AVPI1: variants seen among roughly 807,000 people sequenced by gnomAD.
The protein encoded by AVPI1 is arginine vasopressin induced 1, also known as arginine vasopressin-induced protein 1.
AVPI1 carries 9 observed loss-of-function variants against 11.9 expected under a neutral mutation model. The ratio of observed to expected loss-of-function variants is 0.76; its 90% CI spans 0.46 to 1.32. The LOEUF is 1.32. AVPI1 is among the 40% of genes most tolerant of loss of function. The probability of loss-of-function intolerance (pLI) is 0.00; values close to 1 mark genes in which losing one functional copy is unlikely to be tolerated. For missense variants in AVPI1, 207 were observed against 195.8 expected (o/e 1.06, Z -0.34); for synonymous variants, 68 against 78.1 (o/e 0.87, Z 0.68).
intron 1 of AVPI1, among the ~76,000 whole-genome samples, chr10:97,686,220 T>C (rs1200026326): frequency 1.3e-5 from 2 of 152,242 alleles, no homozygotes; most frequent in Non-Finnish European, 2.9e-5. Flanking sequence ...GTACCTGGTA[T>C]ACCACAGACA....
In AVPI1 at chr10:97,677,753, CA is replaced by C; in HGVS notation, c.*115del. 7.9e-7 allele frequency: 1 copy of C among 1,265,538 alleles called. No homozygotes were observed. The highest frequency in any genetic ancestry group is 1.1e-6 in the Non-Finnish European group (1 of 909,946). 78.4% of individuals were successfully genotyped at this position (1,265,538 alleles called of 1,614,324 possible). A position where few individuals can be genotyped will look rare whatever the true frequency, so the allele number is the denominator to read the frequency against. On this transcript the variant is annotated 3_prime_UTR_variant, in exon 3 of 3. Transcript: ENST00000370626. ...TCTGAATGGAGCAGGTCAGTGGCAG[CA>C]GCCTCTTGCTTTCATTTACCCCTTT...
rs145310037 is a variant in AVPI1 at position 97,679,554 on chromosome 10, C to T, written c.287+65G>A. The T allele has an allele frequency of 1.5e-4, 223 of 1,497,362 alleles. No individual in the cohort carries two copies. The East Asian group carries it at 4.3e-3, about 29-fold the overall frequency. The allele number at this position is 1,497,362 out of a possible 1,614,324, so 92.8% of individuals were successfully genotyped here. ...GCCAAGTAACTAGCTCCAGGCCACA[C>T]AGCCATGCAGTGGTGGAACAGGCAT... is the stretch of plus-strand genomic sequence containing the variant. On this transcript the variant is annotated intron_variant, in intron 2 of 2. Transcript: ENST00000370626.
intron 2 of AVPI1, 141 bp from the exon 3 acceptor site, chr10:97,678,166 C>T (rs1393850687): frequency 1.1e-6 from 1 of 923,076 alleles, no homozygotes; most frequent in Non-Finnish European, 1.6e-6. Flanking sequence ...CTTTCCCCCT[C>T]TGAGAACTGT....
chr10:97,685,605 C>T (rs559059770), intron 1 of AVPI1, among the ~76,000 whole-genome samples: 4 of 152,146 alleles, frequency 2.6e-5, no homozygotes, highest in Non-Finnish European at 4.4e-5. Context: ...GAGGCTCTGG[C>T]CCAAGGCCTG....
In AVPI1 at chr10:97,679,664, C is replaced by T; in HGVS notation, c.242G>A (p.Arg81Lys). Reference protein sequence around the residue: ...LKRLRRKRPPRQKPLGHSLHH... With the variant: ...LKRLRRKRPPKQKPLGHSLHH... Reference sequence around the variant, plus strand: ...TAGCGAGTGGCCCAGGGGTTTCTGCCTTGGGGGCCTCTTCCTGCGCAGCCT... The same window carrying T: ...TAGCGAGTGGCCCAGGGGTTTCTGCTTTGGGGGCCTCTTCCTGCGCAGCCT... The change falls in exon 2 of 3, where the codon AGG becomes AAG. Residue 81 changes from arginine to lysine, a missense_variant. Transcript: ENST00000370626. The T allele has an allele frequency of 6.2e-7, 1 of 1,613,926 alleles. No individual in the cohort carries two copies. The highest frequency in any genetic ancestry group is 8.5e-7 in the Non-Finnish European group (1 of 1,179,928).
intron 1 of AVPI1, among the ~76,000 whole-genome samples, chr10:97,686,390 A>G (rs1167637332): frequency 6.6e-6 from 1 of 152,212 alleles, no homozygotes; most frequent in Non-Finnish European, 1.5e-5. Context: ...CAGCTTGTTC[A>G]GTGTCAAGCG....
At chr10:97,678,128 C>G in intron 2 of AVPI1, 103 bp from the exon 3 acceptor site, 1 of 1,302,406 alleles carries the variant, frequency 7.7e-7, no homozygotes, top group African/African-American at 1.5e-5. Flanking sequence ...TGATTTGGAG[C>G]AAAATGAGAG....
At chr10:97,680,029 G>T in intron 1 of AVPI1, 114 bp from the exon 2 acceptor site, 1 of 1,046,268 alleles carries the variant, frequency 9.6e-7, no homozygotes, top group Non-Finnish European at 1.3e-6. Context: ...CTAAACTGGA[G>T]GAAGTCTCCT....
intron 1 of AVPI1, among the ~76,000 whole-genome samples, chr10:97,683,699 G>A (rs528825895): frequency 7.2e-5 from 11 of 152,310 alleles, no homozygotes; most frequent in Admixed American, 2.6e-4. Flanking sequence ...GCCTTGAGCC[G>A]TAGCACTCTA....
chr10:97,683,151 T>G (rs1423510254), intron 1 of AVPI1, among the ~76,000 whole-genome samples: 1 of 152,048 alleles, frequency 6.6e-6, no homozygotes, highest in African/African-American at 2.4e-5. Flanking sequence ...CTGCAGCCCA[T>G]GCTTTTATTT....
chr10:97,677,687 T>C lies in AVPI1; in HGVS notation c.*182A>G. The stretch of plus-strand genomic sequence containing the variant: ...TCTCCTCATTTTGGTGAGGAATGGG[T>C]CCCACATAATGGAGAGCTCAACAGA... On this transcript the variant is annotated 3_prime_UTR_variant, in exon 3 of 3. Coordinates refer to ENST00000370626, the MANE Select transcript of AVPI1 (RefSeq NM_021732.3). 2 of 651,234 alleles carry C rather than the reference T, an allele frequency of 3.1e-6. No homozygotes were observed. The highest frequency in any genetic ancestry group is 4.1e-5 in the South Asian group (2 of 48,306). 40.3% of individuals were successfully genotyped at this position (651,234 alleles called of 1,614,324 possible).
intron 2 of AVPI1, among the ~76,000 whole-genome samples, chr10:97,678,684 TAAAAA>T (rs66489128): frequency 1.4e-5 from 2 of 145,102 alleles, no homozygotes; most frequent in African/African-American, 2.5e-5. Flanking sequence ...TAATTAGGCT[TAAAAA>T]AAAAAAAAAA....
intron 1 of AVPI1, among the ~76,000 whole-genome samples, chr10:97,683,117 C>A (rs180765986): frequency 6.6e-6 from 1 of 151,968 alleles, no homozygotes; most frequent in Non-Finnish European, 1.5e-5. Flanking sequence ...GTGGCTTAGC[C>A]GAGGCCAGAG....
chr10:97,681,065 A>G (rs2041700892), intron 1 of AVPI1, among the ~76,000 whole-genome samples: 1 of 152,206 alleles, frequency 6.6e-6, no homozygotes, highest in Non-Finnish European at 1.5e-5. Flanking sequence ...AAACAAGGGA[A>G]GCCTGGCATT....
intron 1 of AVPI1, among the ~76,000 whole-genome samples, chr10:97,682,041 T>C (rs953237593): frequency 6.6e-6 from 1 of 152,162 alleles, no homozygotes. Flanking sequence ...TGCAGGAGGA[T>C]GTGCGCAGTC....
Position 97,678,945 on chromosome 10 carries a change from G to GACAGGA in AVPI1, c.287+673_287+674insTCCTGT, listed in dbSNP as rs1564779867. 1.9e-3 allele frequency among the ~76,000 whole-genome samples: 74 copies of GACAGGA among 39,868 alleles called. 9 individuals are homozygous for GACAGGA. Among genetic ancestry groups the GACAGGA allele is most frequent in the East Asian group, 6.7e-3 (10 of 1,490 alleles). 26.2% of individuals were successfully genotyped at this position (39,868 alleles called of 152,430 possible). On this transcript the variant is annotated intron_variant, in intron 2 of 2. Transcript: ENST00000370626. ...TGTGTGTGTGTGTGTGTGTGTGTGT[G>GACAGGA]TGTGTGTGTGTGTGTGTGTGTGTGT... is the stretch of plus-strand genomic sequence containing the variant.
chr10:97,679,513 G>A, intron 2 of AVPI1, 106 bp downstream of exon 2: 1 of 1,355,576 alleles, frequency 7.4e-7, no homozygotes, highest in South Asian at 1.5e-5. Context: ...ATGGTGGGCA[G>A]GCACTTTACA....
rs2135767951 is a variant in AVPI1 at position 97,677,629 on chromosome 10, C to T, written c.*240G>A. 1 of 490,140 alleles carries T rather than the reference C, an allele frequency of 2.0e-6. No homozygotes were observed. Among genetic ancestry groups the T allele is most frequent in the Non-Finnish European group, 3.7e-6 (1 of 272,568 alleles). The allele number at this position is 490,140 out of a possible 1,614,324, so 30.4% of individuals were successfully genotyped here. Reference sequence around the variant, plus strand: ...CATGCAGCCCAGGAATAGTGTTAGACTGGGAAGGACTGTGGCAGGAACAGT... The same window carrying T: ...CATGCAGCCCAGGAATAGTGTTAGATTGGGAAGGACTGTGGCAGGAACAGT... On this transcript the variant is annotated 3_prime_UTR_variant, in exon 3 of 3. Coordinates refer to ENST00000370626, the MANE Select transcript of AVPI1 (RefSeq NM_021732.3).
chr10:97,681,824 G>A (rs1222148444), intron 1 of AVPI1, among the ~76,000 whole-genome samples: 2 of 148,194 alleles, frequency 1.3e-5, no homozygotes, highest in African/African-American at 5.0e-5. Context: ...CTTGCAGTGA[G>A]CCGAGATTGC....
Sources: gnomAD v4.1 joint callset for allele counts (sites outside exome capture counted in the v4.1 genomes callset) on GRCh38, gnomAD v4.1.1 for gene constraint, MANE v1.5 for transcripts, NCBI Gene and HGNC (gene_info 2026-07-23, HGNC 2026-07-21) for gene names.